Variants in MACROD2 observed in about 807,000 individuals in gnomAD.
MACROD2 encodes ADP-ribose glycohydrolase MACROD2.
Under a neutral mutation model 70.4 loss-of-function variants are expected in MACROD2, and 36 were observed. That is an observed-to-expected ratio of 0.51 (90% CI 0.39 to 0.68). MACROD2 has a LOEUF of 0.68. Among genes scored for constraint, MACROD2 ranks in the 30% least tolerant of loss-of-function variants. MACROD2 has a pLI of 0.00. For synonymous variants in MACROD2, 172 were observed against 178.8 expected, an observed-to-expected ratio of 0.96 and a Z score of 0.30; for missense variants, 496 against 538.4, an observed-to-expected ratio of 0.92 and a Z score of 0.78.
intron 3 of MACROD2, among the ~76,000 whole-genome samples, chr20:14,406,119 G>T (rs956426328): frequency 3.3e-5 from 5 of 152,018 alleles, no homozygotes; most frequent in Admixed American, 1.3e-4. Context: ...TAATCATGAG[G>T]ACCTGTTTGA....
chr20:14,467,467 T>C (rs2084469715), intron 3 of MACROD2, among the ~76,000 whole-genome samples: 1 of 152,106 alleles, frequency 6.6e-6, no homozygotes, highest in South Asian at 2.1e-4. Flanking sequence ...AGGAATTCCC[T>C]GATCCTTTGT....
At position 15,321,826 on chromosome 20, in the gene MACROD2, T is replaced by C; in HGVS notation, c.540+91765T>C. Among the ~76,000 whole-genome samples, 2 of 144,272 alleles carry C rather than the reference T, an allele frequency of 1.4e-5. 1 individual carries two copies. The highest frequency in any genetic ancestry group is 3.1e-5 in the Non-Finnish European group (2 of 63,736). The allele number at this position is 144,272 out of a possible 152,430, so 94.6% of individuals were successfully genotyped here. A position where few individuals can be genotyped will look rare whatever the true frequency, so the allele number is the denominator to read the frequency against. On this transcript the variant is annotated intron_variant, in intron 6 of 17. Transcript: ENST00000684519. ...TTGTTTTTTTGAGACAGAGTCTCAC[T>C]CTGTTGCCCAGGCTGGAGTGCAGTT...
rs112613859 is a variant in MACROD2, at chr20:15,866,207, A to G, written c.727+3381A>G. ...TTCAGGCTAGCCTGGGCAACATAGC[A>G]AGAACTTGGCTCTACAAAAAATAAA... On this transcript the variant is annotated intron_variant, in intron 9 of 17. Transcript: ENST00000684519. 2.5e-3 allele frequency among the ~76,000 whole-genome samples: 382 copies of G among 152,206 alleles called. 2 individuals are homozygous for G. Among genetic ancestry groups the G allele is most frequent in the African/African-American group, 8.7e-3 (360 of 41,532 alleles).
At chr20:14,835,525 G>C (rs114635409) in intron 5 of MACROD2, among the ~76,000 whole-genome samples, 2,298 of 152,102 alleles carry the variant, frequency 0.015, 59 homozygotes, top group African/African-American at 0.053. Context: ...TAGAGAAAAA[G>C]ACTTAGAAAT....
At chr20:14,069,835 C>T (rs2053815270) in intron 2 of MACROD2, among the ~76,000 whole-genome samples, 1 of 151,486 alleles carries the variant, frequency 6.6e-6, no homozygotes, top group Non-Finnish European at 1.5e-5. Flanking sequence ...AATGGGACTG[C>T]AGCAAACATG....
At chr20:14,231,849 G>C (rs1224107157) in intron 3 of MACROD2, among the ~76,000 whole-genome samples, 1 of 152,132 alleles carries the variant, frequency 6.6e-6, no homozygotes, top group Non-Finnish European at 1.5e-5. Flanking sequence ...GTGTGAGATG[G>C]TATCTCATTG....
intron 3 of MACROD2, among the ~76,000 whole-genome samples, chr20:14,237,440 CTTTCATAGTTT>C (rs1202063747): frequency 1.3e-5 from 2 of 151,868 alleles, no homozygotes; most frequent in Admixed American, 1.3e-4. Flanking sequence ...ATCAATTTCT[CTTTCATAGTTT>C]TTATCTTTTT....
chr20:14,874,289 CATTTATTT>C (rs150117074), intron 5 of MACROD2, among the ~76,000 whole-genome samples: 22,398 of 131,278 alleles, frequency 0.17, 1,937 homozygotes, highest in Non-Finnish European at 0.23. Context: ...AATGGAGATT[CATTTATTT>C]ATTTATTTAT....
intron 8 of MACROD2, among the ~76,000 whole-genome samples, chr20:15,806,039 C>A (rs955713315): frequency 7.9e-5 from 12 of 152,178 alleles, no homozygotes; most frequent in African/African-American, 2.4e-4. Context: ...AAAGAACAGA[C>A]CCTGTGAAAC....
chr20:14,079,311 AT>A (rs2053958344), intron 2 of MACROD2, among the ~76,000 whole-genome samples: 1 of 152,224 alleles, frequency 6.6e-6, no homozygotes, highest in African/African-American at 2.4e-5. Flanking sequence ...ATGAGTATGG[AT>A]TTCTGCAGCT....
At chr20:15,974,056 G>A (rs1267254791) in intron 13 of MACROD2, among the ~76,000 whole-genome samples, 2 of 152,184 alleles carry the variant, frequency 1.3e-5, no homozygotes, top group Non-Finnish European at 2.9e-5. Flanking sequence ...TAGCAGGGTA[G>A]TCCTTGCTAT....
intron 3 of MACROD2, among the ~76,000 whole-genome samples, chr20:14,190,698 A>ATAT (rs2081379303): frequency 7.1e-5 from 2 of 28,090 alleles, no homozygotes; most frequent in African/African-American, 2.4e-4. Flanking sequence ...ATATATATAT[A>ATAT]TTTTTTTTTT....
chr20:15,561,048 A>G (rs1310712600), intron 8 of MACROD2, among the ~76,000 whole-genome samples: 2 of 152,214 alleles, frequency 1.3e-5, no homozygotes, highest in Admixed American at 6.5e-5. Context: ...GCATTAAGAC[A>G]GACACTGTGA....
chr20:15,029,991 G>A (rs2075261893), intron 5 of MACROD2, among the ~76,000 whole-genome samples: 1 of 150,984 alleles, frequency 6.6e-6, no homozygotes, highest in Admixed American at 6.6e-5. Flanking sequence ...CCAGGAGGCT[G>A]AGGCACGAGA....
At chr20:15,863,486 T>C (rs6105480) in intron 9 of MACROD2, among the ~76,000 whole-genome samples, 93,129 of 152,096 alleles carry the variant, frequency 0.61, 30,775 homozygotes, top group Non-Finnish European at 0.75. Flanking sequence ...TCTTCCAGCC[T>C]ATTAAGGCTG....
chr20:14,120,476 G>A (rs1353012699), intron 3 of MACROD2, among the ~76,000 whole-genome samples: 1 of 151,816 alleles, frequency 6.6e-6, no homozygotes, highest in Non-Finnish European at 1.5e-5. Context: ...ATTCCACAAG[G>A]ATCTAGAACC....
At chr20:15,192,994 CT>C (rs1164374226) in intron 5 of MACROD2, among the ~76,000 whole-genome samples, 16 of 152,290 alleles carry the variant, frequency 1.1e-4, no homozygotes, top group African/African-American at 3.6e-4. Context: ...GAGCTGTCAG[CT>C]TTGTGCTGTC....
chr20:15,319,652 A>G (rs534259446), intron 6 of MACROD2, among the ~76,000 whole-genome samples: 4 of 152,220 alleles, frequency 2.6e-5, no homozygotes, highest in Non-Finnish European at 5.9e-5. Flanking sequence ...TAAATACCCC[A>G]AAGAGTGAAC....
chr20:15,145,806 A>T (rs991918395), intron 5 of MACROD2, among the ~76,000 whole-genome samples: 1 of 152,074 alleles, frequency 6.6e-6, no homozygotes, highest in Non-Finnish European at 1.5e-5. Flanking sequence ...TACCTAAAAG[A>T]TGATGTTTGC....
Sources: allele counts gnomAD v4.1 joint callset (sites outside exome capture counted in the v4.1 genomes callset), GRCh38; gene constraint gnomAD v4.1.1; transcripts MANE v1.5; gene names NCBI Gene and HGNC (gene_info 2026-07-23, HGNC 2026-07-21).